The following CNTNAP2 variants were observed in gnomAD, a reference collection of about 807,000 sequenced individuals.
The protein encoded by CNTNAP2 is contactin associated protein 2.
In CNTNAP2, 98 loss-of-function variants were observed where a neutral mutation model predicts 155.2. That is an observed-to-expected ratio of 0.63 (90% CI 0.54 to 0.75). The LOEUF (loss-of-function observed/expected upper bound fraction) is 0.75. Ranked by LOEUF, CNTNAP2 falls within the 30% of genes least tolerant of loss-of-function variation. CNTNAP2 has a pLI of 0.00. For synonymous variants in CNTNAP2, 651 were observed against 631.2 expected, an observed-to-expected ratio of 1.03 and a Z score of -0.47; for missense variants, 1,727 against 1,688.1, an observed-to-expected ratio of 1.02 and a Z score of -0.40.
intron 1 of CNTNAP2, among the ~76,000 whole-genome samples, chr7:146,185,816 G>A (rs1473796629): frequency 6.9e-6 from 1 of 144,876 alleles, no homozygotes; most frequent in African/African-American, 2.6e-5. Context: ...GGCTAAAGTA[G>A]GCTTCAGTTT....
At chr7:147,542,363 G>T (rs953676535) in intron 11 of CNTNAP2, among the ~76,000 whole-genome samples, 2 of 151,728 alleles carry the variant, frequency 1.3e-5, no homozygotes, top group African/African-American at 2.4e-5. Context: ...CTGGACAGCA[G>T]AAGTGACATC....
chr7:147,313,024 A>C, intron 9 of CNTNAP2, among the ~76,000 whole-genome samples: 1 of 137,840 alleles, frequency 7.3e-6, no homozygotes, highest in African/African-American at 2.9e-5. Context: ...GATGATGAGC[A>C]TTTTTTCATG....
chr7:147,580,873 C>T (rs901946299), intron 12 of CNTNAP2, among the ~76,000 whole-genome samples: 2 of 152,200 alleles, frequency 1.3e-5, no homozygotes, highest in African/African-American at 4.8e-5. Context: ...GTCTCAGCCT[C>T]CCAAAGTGCT....
intron 16 of CNTNAP2, among the ~76,000 whole-genome samples, chr7:148,140,261 T>C (rs1436099287): frequency 3.3e-5 from 5 of 151,922 alleles, no homozygotes; most frequent in Non-Finnish European, 7.4e-5. Context: ...ATGTTCAGAG[T>C]CTTTACTGAG....
intron 1 of CNTNAP2, among the ~76,000 whole-genome samples, chr7:146,609,004 A>C (rs1799092087): frequency 6.6e-6 from 1 of 152,180 alleles, no homozygotes; most frequent in Admixed American, 6.6e-5. Context: ...ATACTAAATA[A>C]GTAGTACTAT....
intron 15 of CNTNAP2, among the ~76,000 whole-genome samples, chr7:148,079,404 G>A (rs774502791): frequency 2.6e-5 from 4 of 152,160 alleles, no homozygotes; most frequent in Non-Finnish European, 4.4e-5. Context: ...CTAAAGATCT[G>A]GAATCCATAG....
rs1310427178 is a variant in CNTNAP2, at chr7:147,143,103, G to A, written c.1348+10594G>A. The stretch of plus-strand genomic sequence containing the variant: ...TCTGTACTCCTAACGCCACTCATGT[G>A]TCAGGAAATAGGTAATCAATACTTT... On this transcript the variant is annotated intron_variant, in intron 8 of 23. Transcript: ENST00000361727. Among the ~76,000 whole-genome samples the A allele has an allele frequency of 2.6e-5, 4 of 152,210 alleles. No individual in the cohort carries two copies. In the South Asian group the frequency reaches 8.3e-4, roughly 32 times the overall value.
chr7:148,147,734 G>C (rs574209756), intron 17 of CNTNAP2, 25 bp downstream of exon 17: 2 of 1,607,144 alleles, frequency 1.2e-6, no homozygotes, highest in South Asian at 2.2e-5. Flanking sequence ...GGTAACCATG[G>C]CTTCCCTCTG....
chr7:146,328,515 C>CTGTGTGTG (rs36098013), intron 1 of CNTNAP2, among the ~76,000 whole-genome samples: 3,438 of 147,190 alleles, frequency 0.023, 57 homozygotes, highest in African/African-American at 0.042. Context: ...ACTTAGCGAC[C>CTGTGTGTG]TGTGTGTGTG....
At chr7:146,138,563 T>C (rs1456886113) in intron 1 of CNTNAP2, among the ~76,000 whole-genome samples, 1 of 152,160 alleles carries the variant, frequency 6.6e-6, no homozygotes, top group East Asian at 1.9e-4. Context: ...GTAAGAAATA[T>C]AACCTTTGGA....
chr7:146,721,890 T>TATA lies in CNTNAP2; in HGVS notation c.98-52381_98-52380insATA, dbSNP rs1491454260. Among the ~76,000 whole-genome samples, 10 of 75,588 alleles carry TATA rather than the reference T, an allele frequency of 1.3e-4. 1 individual carries two copies. The highest frequency in any genetic ancestry group is 3.3e-4 in the South Asian group (1 of 3,020). The allele number at this position is 75,588 out of a possible 152,430, so 49.6% of individuals were successfully genotyped here. A position where few individuals can be genotyped will look rare whatever the true frequency, so the allele number is the denominator to read the frequency against. On this transcript the variant is annotated intron_variant, in intron 1 of 23. Coordinates refer to ENST00000361727, the MANE Select transcript of CNTNAP2 (RefSeq NM_014141.6). Reference sequence around the variant, plus strand: ...GTGTGTGTGTGTATATATATATATATTTTTTTTTTTTTTTTTGAGATGGAA... The same window carrying TATA: ...GTGTGTGTGTGTATATATATATATATATATTTTTTTTTTTTTTTTGAGATGGAA...
rs938259844 is a variant in CNTNAP2 at position 146,803,668 on chromosome 7, G to A, written c.208+29287G>A. On this transcript the variant is annotated intron_variant, in intron 2 of 23. Coordinates refer to ENST00000361727, the MANE Select transcript of CNTNAP2 (RefSeq NM_014141.6). ...GATTATACTTCCTGGAAATATAGATGCATATAATTTTAAAGATATAATCAT... is the reference window on the plus strand; with the variant it reads ...GATTATACTTCCTGGAAATATAGATACATATAATTTTAAAGATATAATCAT... 3.3e-5 allele frequency among the ~76,000 whole-genome samples: 5 copies of A among 152,254 alleles called. No homozygotes were observed. The South Asian group carries it at 1.0e-3, about 32-fold the overall frequency.
chr7:147,715,779 C>A (rs1201565689), intron 13 of CNTNAP2, among the ~76,000 whole-genome samples: 3 of 152,008 alleles, frequency 2.0e-5, no homozygotes, highest in African/African-American at 7.2e-5. Flanking sequence ...TGTCCTGTAT[C>A]TTGAAGATTT....
intron 9 of CNTNAP2, among the ~76,000 whole-genome samples, chr7:147,380,367 C>T (rs1019235916): frequency 6.6e-6 from 1 of 151,994 alleles, no homozygotes; most frequent in Non-Finnish European, 1.5e-5. Flanking sequence ...CATCAATAAA[C>T]ATGAAGACAT....
chr7:147,866,241 G>A (rs1343352638), intron 13 of CNTNAP2, among the ~76,000 whole-genome samples: 2 of 151,966 alleles, frequency 1.3e-5, no homozygotes, highest in African/African-American at 2.4e-5. Context: ...TTTTGAATGA[G>A]TTTCTTAATG....
intron 5 of CNTNAP2, among the ~76,000 whole-genome samples, chr7:147,118,879 G>C (rs1801042801): frequency 6.6e-6 from 1 of 152,130 alleles, no homozygotes; most frequent in Non-Finnish European, 1.5e-5. Context: ...AAAGAAAATA[G>C]ACCAAATTAT....
intron 3 of CNTNAP2, among the ~76,000 whole-genome samples, chr7:146,883,098 G>A (rs762763903): frequency 5.3e-5 from 8 of 152,106 alleles, no homozygotes; most frequent in Admixed American, 2.0e-4. Context: ...CATAGGTACC[G>A]TAACTGTAAA....
intron 1 of CNTNAP2, among the ~76,000 whole-genome samples, chr7:146,123,269 A>T (rs1433090025): frequency 1.3e-5 from 2 of 152,238 alleles, no homozygotes; most frequent in East Asian, 1.9e-4. Context: ...ATAAATAGTG[A>T]TATATGCTTT....
intron 22 of CNTNAP2, 132 bp downstream of exon 22, chr7:148,384,020 G>A (rs189259531): frequency 1.5e-5 from 20 of 1,306,552 alleles, no homozygotes; most frequent in East Asian, 5.1e-5. Context: ...GCAAAGGAAC[G>A]TTGTGAGTAC....
Sources: gnomAD v4.1 joint callset for allele counts (sites outside exome capture counted in the v4.1 genomes callset) on GRCh38, gnomAD v4.1.1 for gene constraint, MANE v1.5 for transcripts, NCBI Gene and HGNC (gene_info 2026-07-23, HGNC 2026-07-21) for gene names.